The following RAPGEF4 variants were observed in gnomAD, a reference collection of about 807,000 sequenced individuals.
RAPGEF4 encodes the protein Rap guanine nucleotide exchange factor 4.
RAPGEF4 carries 66 observed loss-of-function variants against 147.9 expected under a neutral mutation model. The observed-to-expected ratio is 0.45, with a 90% confidence interval of 0.37 to 0.55. The LOEUF (loss-of-function observed/expected upper bound fraction) is 0.55. Ranked by LOEUF, RAPGEF4 falls within the 20% of genes least tolerant of loss-of-function variation. The probability of loss-of-function intolerance (pLI) is 0.00; values close to 1 mark genes in which losing one functional copy is unlikely to be tolerated. For synonymous variants in RAPGEF4, 419 were observed against 442.7 expected (o/e 0.95, Z 0.67); for missense variants, 1,071 against 1,257.3 (o/e 0.85, Z 2.24).
intron 10 of RAPGEF4, among the ~76,000 whole-genome samples, chr2:172,980,652 T>C (rs1435120343): frequency 6.6e-6 from 1 of 152,146 alleles, no homozygotes; most frequent in Non-Finnish European, 1.5e-5. Context: ...TCTTCTACAG[T>C]TTGTGCAGGT....
At position 172,922,968 on chromosome 2, in the gene RAPGEF4, G is replaced by C. The variant is rs181621516; in HGVS notation, c.537+668G>C. Reference sequence around the variant, plus strand: ...TTAACGATAGGAGTATGCAGTGATTGATTGGGAGCAGTGCTTGGTTGGCTT... The same window carrying C: ...TTAACGATAGGAGTATGCAGTGATTCATTGGGAGCAGTGCTTGGTTGGCTT... On this transcript the variant is annotated intron_variant, in intron 6 of 30. Transcript: ENST00000397081. Among the ~76,000 whole-genome samples the C allele has an allele frequency of 6.8e-4, 103 of 152,312 alleles. 1 individual carries two copies. Among genetic ancestry groups the C allele is most frequent in the Non-Finnish European group, 7.5e-4 (51 of 68,018 alleles).
intron 4 of RAPGEF4, among the ~76,000 whole-genome samples, chr2:172,874,697 G>A (rs1473511793): frequency 6.6e-5 from 10 of 151,950 alleles, no homozygotes; most frequent in East Asian, 3.9e-4. Context: ...GAATAGTGCC[G>A]CAATAAACAT....
intron 6 of RAPGEF4, 132 bp from the exon 7 acceptor site, chr2:172,960,628 T>G (rs1176742577): frequency 3.1e-6 from 2 of 649,860 alleles, no homozygotes; most frequent in Non-Finnish European, 2.5e-6. Flanking sequence ...TAGGCAGAAT[T>G]TATCTCTTAT....
At chr2:172,754,662 A>G (rs1185736426) in intron 1 of RAPGEF4, among the ~76,000 whole-genome samples, 3 of 152,158 alleles carry the variant, frequency 2.0e-5, no homozygotes, top group African/African-American at 7.2e-5. Flanking sequence ...AAGTGTTTCA[A>G]GTGTGTTCCT....
At chr2:172,849,368 A>G (rs1692568686) in intron 4 of RAPGEF4, among the ~76,000 whole-genome samples, 1 of 152,262 alleles carries the variant, frequency 6.6e-6, no homozygotes, top group South Asian at 2.1e-4. Flanking sequence ...TGTTAGTTAC[A>G]TACTAAAAGC....
Position 172,989,589 on chromosome 2 carries a change from G to A in RAPGEF4, c.1374+750G>A, listed in dbSNP as rs376410657. 5.0e-4 allele frequency among the ~76,000 whole-genome samples: 76 copies of A among 152,250 alleles called. 1 individual carries two copies. In the South Asian group the frequency reaches 9.1e-3, roughly 18 times the overall value. On this transcript the variant is annotated intron_variant, in intron 14 of 30. Coordinates refer to ENST00000397081, the MANE Select transcript of RAPGEF4 (RefSeq NM_007023.4). ...GGTCTCTGGTCTCTCCCCAGCATGC[G>A]GTCCCTTGTCCCTGGGAGGGATGAC...
intron 1 of RAPGEF4, among the ~76,000 whole-genome samples, chr2:172,761,602 T>G (rs767003156): frequency 1.3e-5 from 2 of 152,036 alleles, no homozygotes; most frequent in Non-Finnish European, 2.9e-5. Context: ...CAAGAAGAAT[T>G]ACTAAAAGAA....
At chr2:173,010,251 G>A (rs1424221396) in intron 17 of RAPGEF4, among the ~76,000 whole-genome samples, 1 of 152,162 alleles carries the variant, frequency 6.6e-6, no homozygotes, top group Non-Finnish European at 1.5e-5. Flanking sequence ...TTCCTTAATG[G>A]TGTTTAAAAT....
intron 4 of RAPGEF4, among the ~76,000 whole-genome samples, chr2:172,835,810 A>G (rs114927134): frequency 0.012 from 1,864 of 152,326 alleles, 35 homozygotes; most frequent in African/African-American, 0.04. Context: ...CTTAACCAGT[A>G]TACATTTCCA....
intron 26 of RAPGEF4, 94 bp downstream of exon 26, chr2:173,030,348 T>A: frequency 1.0e-6 from 1 of 973,832 alleles, no homozygotes; most frequent in Non-Finnish European, 1.6e-6. Flanking sequence ...TCACTCACAC[T>A]AGTATAACAA....
intron 4 of RAPGEF4, among the ~76,000 whole-genome samples, chr2:172,818,425 C>G (rs1451101720): frequency 6.6e-6 from 1 of 152,198 alleles, no homozygotes; most frequent in Non-Finnish European, 1.5e-5. Context: ...CCTCCACCAT[C>G]AGGGAGCTAA....
At chr2:173,041,642 A>G (rs772390068) in intron 29 of RAPGEF4, among the ~76,000 whole-genome samples, 35 of 152,224 alleles carry the variant, frequency 2.3e-4, no homozygotes, top group Non-Finnish European at 3.8e-4. Flanking sequence ...AGTTTTATCA[A>G]TGGAAAATAA....
Position 172,926,033 on chromosome 2 carries a change from CGGAGGGAGGGAGGGAGGGAG to C in RAPGEF4, c.537+3745_537+3764del, listed in dbSNP as rs568855259. 5.7e-5 allele frequency among the ~76,000 whole-genome samples: 3 copies of C among 52,596 alleles called. No individual in the cohort carries two copies. In the Admixed American group the frequency reaches 6.5e-4, roughly 11 times the overall value. The allele number at this position is 52,596 out of a possible 152,430, so 34.5% of individuals were successfully genotyped here. A position where few individuals can be genotyped will look rare whatever the true frequency, so the allele number is the denominator to read the frequency against. ...AAGGACGGAGGGAGGGAGGGAGGGA[CGGAGGGAGGGAGGGAGGGAG>C]GGAGGGAGGGAAGTCAGGCAGGCAG... is the stretch of plus-strand genomic sequence containing the variant. On this transcript the variant is annotated intron_variant, in intron 6 of 30. Transcript: ENST00000397081.
intron 22 of RAPGEF4, among the ~76,000 whole-genome samples, 178 bp from the exon 23 acceptor site, chr2:173,020,440 G>A (rs542350970): frequency 3.5e-4 from 53 of 152,234 alleles, no homozygotes; most frequent in African/African-American, 5.1e-4. Context: ...CCTGAGTGGC[G>A]CAGGGCTGCA....
rs773527960 is a variant in RAPGEF4 at position 173,016,403 on chromosome 2, C to A, written c.1864C>A (p.Gln622Lys). Residue 622 changes from glutamine (Q) to lysine (K), a missense_variant, in exon 19 of 31, where the codon CAA (glutamine) becomes AAA (lysine). Transcript: ENST00000397081. The part of the protein sequence containing the change: ...DARMIAALKE[Q>K]LPELEKIVKQ... Reference sequence around the variant, plus strand: ...CCGGATGATTGCTGCCCTCAAGGAGCAACTGCCAGAGTTGGAGAAGATTGT... The same window carrying A: ...CCGGATGATTGCTGCCCTCAAGGAGAAACTGCCAGAGTTGGAGAAGATTGT... 4 of 1,613,438 alleles carry A rather than the reference C, an allele frequency of 2.5e-6. No individual in the cohort carries two copies. In the East Asian group the frequency reaches 8.9e-5, roughly 36 times the overall value.
chr2:172,811,782 C>T (rs1688048586), intron 3 of RAPGEF4, among the ~76,000 whole-genome samples: 1 of 152,136 alleles, frequency 6.6e-6, no homozygotes, highest in South Asian at 2.1e-4. Flanking sequence ...CTTAATCTAC[C>T]TTTCATCATA....
At chr2:172,826,418 A>C (rs1689674973) in intron 4 of RAPGEF4, among the ~76,000 whole-genome samples, 1 of 152,106 alleles carries the variant, frequency 6.6e-6, no homozygotes, top group African/African-American at 2.4e-5. Flanking sequence ...GTTTTAGTTT[A>C]TCTGTTTGGA....
intron 4 of RAPGEF4, among the ~76,000 whole-genome samples, chr2:172,855,423 A>G (rs904996831): frequency 2.6e-5 from 4 of 152,132 alleles, no homozygotes; most frequent in African/African-American, 9.7e-5. Flanking sequence ...TTTTATTTCA[A>G]TGGTTGCCTG....
intron 29 of RAPGEF4, among the ~76,000 whole-genome samples, chr2:173,040,609 C>A (rs866266351): frequency 3.9e-4 from 60 of 152,284 alleles, no homozygotes; most frequent in African/African-American, 1.4e-3. Flanking sequence ...AACCACCATG[C>A]CAACTCTAAG....
Sources: allele counts gnomAD v4.1 joint callset (sites outside exome capture counted in the v4.1 genomes callset), GRCh38; gene constraint gnomAD v4.1.1; transcripts MANE v1.5; gene names NCBI Gene and HGNC (gene_info 2026-07-23, HGNC 2026-07-21).